EPHB3: variants seen among roughly 807,000 people sequenced by gnomAD.
EPHB3 encodes the protein ephrin type-B receptor 3.
Under a neutral mutation model 100.2 loss-of-function variants are expected in EPHB3, and 33 were observed. The observed-to-expected ratio is 0.33, with a 90% CI of 0.25 to 0.44. The LOEUF (loss-of-function observed/expected upper bound fraction) is 0.44. EPHB3 is among the 20% of genes least tolerant of loss of function. EPHB3 has a pLI of 1.00. For synonymous variants in EPHB3, 526 were observed against 554.7 expected (o/e 0.95, Z 0.73); for missense variants, 1,045 against 1,378.3 (o/e 0.76, Z 3.83).
At chr3:184,580,041 T>C in intron 11 of EPHB3, 107 bp downstream of exon 11, 1 of 1,499,988 alleles carries the variant, frequency 6.7e-7, no homozygotes. Flanking sequence ...AAGCATTTAC[T>C]GAGGTGGCTT....
rs753577038 is a variant in EPHB3, at chr3:184,578,492, C to G, written c.1801+26C>G. On this transcript the variant is annotated intron_variant, in intron 9 of 15. Transcript: ENST00000330394. This position sits in a 1 kb window ranked among gnomAD's most constrained non-coding sequence, Gnocchi z 4.7. Reference sequence around the variant, plus strand: ...GTGAGTTTGTCCCCGCCGCCCTCCCCAAGCTCTCCCAGCCCCCTGCAGGGC... The same window carrying G: ...GTGAGTTTGTCCCCGCCGCCCTCCCGAAGCTCTCCCAGCCCCCTGCAGGGC... 2 of 1,613,122 alleles carry G rather than the reference C, an allele frequency of 1.2e-6. No homozygotes were observed.
At chr3:184,574,778 T>C (rs1322997364) in intron 3 of EPHB3, among the ~76,000 whole-genome samples, 1 of 152,166 alleles carries the variant, frequency 6.6e-6, no homozygotes, top group East Asian at 1.9e-4. Flanking sequence ...GGGCTAACAC[T>C]CTGCAGGTCC....
chr3:184,578,288 T>C lies in EPHB3; in HGVS notation c.1749-126T>C, dbSNP rs150426518. Reference sequence around the variant, plus strand: ...ACCCAGAGACTGCTGTGACCACCAATTGTGGGACTAGGCCCCAGGCCATCC... The same window carrying C: ...ACCCAGAGACTGCTGTGACCACCAACTGTGGGACTAGGCCCCAGGCCATCC... On this transcript the variant is annotated intron_variant, in intron 8 of 15. Transcript: ENST00000330394. This position sits in a 1 kb window ranked among gnomAD's most constrained non-coding sequence, Gnocchi z 4.7. The C allele has an allele frequency of 3.6e-4, 501 of 1,380,090 alleles. 2 individuals are homozygous for C. In the African/African-American group the frequency reaches 6.3e-3, roughly 17 times the overall value. 85.5% of individuals were successfully genotyped at this position (1,380,090 alleles called of 1,614,324 possible). A position where few individuals can be genotyped will look rare whatever the true frequency, so the allele number is the denominator to read the frequency against.
rs1265678499 is a variant in EPHB3, at chr3:184,571,621, C to T, written c.183+239C>T. Among the ~76,000 whole-genome samples, 1 of 152,068 alleles carries T rather than the reference C, an allele frequency of 6.6e-6. No individual in the cohort carries two copies. The highest frequency in any genetic ancestry group is 1.9e-4 in the East Asian group (1 of 5,184). On this transcript the variant is annotated intron_variant, in intron 2 of 15. Coordinates refer to ENST00000330394, the MANE Select transcript of EPHB3 (RefSeq NM_004443.4). The surrounding 1 kb of genome is among the most constrained non-coding windows in gnomAD (Gnocchi z 5.0). ...CCCTCTGCCTGCCTGTGCCCCCCAG[C>T]TCCCGCTCCCTCTCCCTCTCTTCCT...
rs949937703 is a variant in EPHB3, at chr3:184,562,032, T to A, written c.-204T>A. 1.3e-4 allele frequency: 21 copies of A among 164,844 alleles called. No homozygotes were observed. Among genetic ancestry groups the A allele is most frequent in the African/African-American group, 5.0e-4 (21 of 41,606 alleles). The allele number at this position is 164,844 out of a possible 1,614,324, so 10.2% of individuals were successfully genotyped here. On this transcript the variant is annotated 5_prime_UTR_variant, in exon 1 of 16. Transcript: ENST00000330394. The surrounding 1 kb of genome is among the most constrained non-coding windows in gnomAD (Gnocchi z 4.8). ...TTCCCGCGGGACCGACCTGTCCGCA[T>A]CCCCAGGACCGCCGGGCTCGGTGCA... is the stretch of plus-strand genomic sequence containing the variant.
chr3:184,574,223 T>C (rs985640250), intron 3 of EPHB3, among the ~76,000 whole-genome samples: 6 of 152,222 alleles, frequency 3.9e-5, no homozygotes, highest in Non-Finnish European at 8.8e-5. Flanking sequence ...AGCTGGGCTG[T>C]TCTGCCCTTA....
Position 184,578,168 on chromosome 3 carries a change from C to A in EPHB3, c.1748+162C>A, listed in dbSNP as rs1287900883. On this transcript the variant is annotated intron_variant, in intron 8 of 15. Coordinates refer to ENST00000330394, the MANE Select transcript of EPHB3 (RefSeq NM_004443.4). This position sits in a 1 kb window ranked among gnomAD's most constrained non-coding sequence, Gnocchi z 4.7. ...CTGGAGAAGCCCTCTCCCATCCCTGCCTGTGTCTTCATCCCGCCCTTTCTC... is the reference window on the plus strand; with the variant it reads ...CTGGAGAAGCCCTCTCCCATCCCTGACTGTGTCTTCATCCCGCCCTTTCTC... 1.1e-6 allele frequency: 1 copy of A among 883,466 alleles called. No homozygotes were observed. The highest frequency in any genetic ancestry group is 1.7e-6 in the Non-Finnish European group (1 of 590,172). 54.7% of individuals were successfully genotyped at this position (883,466 alleles called of 1,614,324 possible).
rs1166835502 is a variant in EPHB3, at chr3:184,571,048, C to T, written c.119-270C>T. ...TCGGCTCACTGCAACCTCCGTCTCC[C>T]AGGTTCAAGCGATTCTCCTGCCTCA... On this transcript the variant is annotated intron_variant, in intron 1 of 15. Transcript: ENST00000330394. The surrounding 1 kb of genome is among the most constrained non-coding windows in gnomAD (Gnocchi z 5.0). Among the ~76,000 whole-genome samples the T allele has an allele frequency of 1.3e-5, 2 of 151,738 alleles. No individual in the cohort carries two copies. Among genetic ancestry groups the T allele is most frequent in the African/African-American group, 4.8e-5 (2 of 41,252 alleles).
At position 184,569,549 on chromosome 3, in the gene EPHB3, GTGTC is replaced by G. The variant is rs751793907; in HGVS notation, c.119-1746_119-1743del. 2.4e-3 allele frequency among the ~76,000 whole-genome samples: 368 copies of G among 152,166 alleles called. 2 individuals are homozygous for G. Among genetic ancestry groups the G allele is most frequent in the East Asian group, 0.021 (108 of 5,158 alleles). ...CGAGTACCCCCCAGGCCGAATGTCT[GTGTC>G]TGTCTGTCTGTCTGTCTGTCTGCCA... On this transcript the variant is annotated intron_variant, in intron 1 of 15. Coordinates refer to ENST00000330394, the MANE Select transcript of EPHB3 (RefSeq NM_004443.4). The surrounding 1 kb of genome is among the most constrained non-coding windows in gnomAD (Gnocchi z 5.4).
chr3:184,577,787 C>T lies in EPHB3; in HGVS notation c.1609C>T (p.Pro537Ser), dbSNP rs1395133189. 6.2e-7 allele frequency: 1 copy of T among 1,607,652 alleles called. No individual in the cohort carries two copies. The highest frequency in any genetic ancestry group is 1.3e-5 in the African/African-American group (1 of 74,936). The change falls in exon 7 of 16, where the codon CCT (proline) becomes TCT (serine). Residue 537 changes from proline (P) to serine (S), a missense_variant. Coordinates refer to ENST00000330394, the MANE Select transcript of EPHB3 (RefSeq NM_004443.4). This position sits in a 1 kb window ranked among gnomAD's most constrained non-coding sequence, Gnocchi z 4.9. ...TVAGYGQYSR[P>S]AEFETTSERG... ...AGCTGGCTATGGGCAGTACAGCCGC[C>T]CTGCCGAGTTTGAGACCACAAGTGA... is the stretch of plus-strand genomic sequence containing the variant.
chr3:184,576,052 C>T, intron 4 of EPHB3, 67 bp downstream of exon 4: 1 of 1,517,958 alleles, frequency 6.6e-7, no homozygotes, highest in African/African-American at 1.4e-5. Flanking sequence ...CCTGGGAAGC[C>T]TAAGCAGTCA....
In EPHB3 at chr3:184,578,091, G is replaced by T; in HGVS notation, c.1748+85G>T. The T allele has an allele frequency of 7.0e-7, 1 of 1,429,066 alleles. No individual in the cohort carries two copies. The highest frequency in any genetic ancestry group is 9.5e-7 in the Non-Finnish European group (1 of 1,049,526). 88.5% of individuals were successfully genotyped at this position (1,429,066 alleles called of 1,614,324 possible). A position where few individuals can be genotyped will look rare whatever the true frequency, so the allele number is the denominator to read the frequency against. On this transcript the variant is annotated intron_variant, in intron 8 of 15. Coordinates refer to ENST00000330394, the MANE Select transcript of EPHB3 (RefSeq NM_004443.4). This position sits in a 1 kb window ranked among gnomAD's most constrained non-coding sequence, Gnocchi z 4.7. ...AGCCCTCATGCCACAGAGATGAGCC[G>T]CCACCACTTCCCTCAGACCCAGGGC...
rs62288570 is a variant in EPHB3, at chr3:184,578,858, A to G, written c.1801+392A>G. ...TTGAGCTGAGCCAGGCGGGATGAGCAGGGTGTTGGGAGGTGAGGGAGAGCA... is the reference window on the plus strand; with the variant it reads ...TTGAGCTGAGCCAGGCGGGATGAGCGGGGTGTTGGGAGGTGAGGGAGAGCA... On this transcript the variant is annotated intron_variant, in intron 9 of 15. Transcript: ENST00000330394. The surrounding 1 kb of genome is among the most constrained non-coding windows in gnomAD (Gnocchi z 4.7). 0.037 allele frequency among the ~76,000 whole-genome samples: 5,663 copies of G among 152,194 alleles called. 159 individuals carry two copies. Among genetic ancestry groups the G allele is most frequent in the Non-Finnish European group, 0.058 (3,955 of 68,002 alleles).
At chr3:184,568,094 C>T (rs1714440790) in intron 1 of EPHB3, among the ~76,000 whole-genome samples, 1 of 152,064 alleles carries the variant, frequency 6.6e-6, no homozygotes, top group African/African-American at 2.4e-5. Flanking sequence ...GTGAGCCCAG[C>T]CCCCAGGACT....
chr3:184,562,186 C>T lies in EPHB3; in HGVS notation c.-50C>T. 2.7e-6 allele frequency: 1 copy of T among 364,550 alleles called. No individual in the cohort carries two copies. Among genetic ancestry groups the T allele is most frequent in the Non-Finnish European group, 3.9e-6 (1 of 253,664 alleles). The allele number at this position is 364,550 out of a possible 1,614,324, so 22.6% of individuals were successfully genotyped here. On this transcript the variant is annotated 5_prime_UTR_variant, in exon 1 of 16. Coordinates refer to ENST00000330394, the MANE Select transcript of EPHB3 (RefSeq NM_004443.4). This position sits in a 1 kb window ranked among gnomAD's most constrained non-coding sequence, Gnocchi z 4.8. Reference sequence around the variant, plus strand: ...TCTCGGGTGCCTGCAGCCCCGCCGGCGCGGCCCGGCCCGGCGCGGCCCGGC... The same window carrying T: ...TCTCGGGTGCCTGCAGCCCCGCCGGTGCGGCCCGGCCCGGCGCGGCCCGGC...
chr3:184,572,604 G>A lies in EPHB3; in HGVS notation c.284G>A (p.Gly95Glu), dbSNP rs747621686. The A allele has an allele frequency of 1.3e-6, 2 of 1,551,470 alleles. No individual in the cohort carries two copies. The highest frequency in any genetic ancestry group is 2.0e-5 in the Admixed American group (1 of 51,254). Residue 95 changes from glycine to glutamate, a missense_variant, in exon 3 of 16, where the codon GGG becomes GAG. This residue lies in a region of EPHB3 where 985 missense variants were observed against 1,331.1 expected (regional missense o/e 0.74). Transcript: ENST00000330394. This position sits in a 1 kb window ranked among gnomAD's most constrained non-coding sequence, Gnocchi z 6.6. ...ESSQNNWLRT[G>E]FIWRRDVQRV... The stretch of plus-strand genomic sequence containing the variant: ...AGCCAGAACAACTGGCTTCGCACGG[G>A]GTTCATCTGGCGGCGGGATGTGCAG...
chr3:184,578,423 A>G lies in EPHB3; in HGVS notation c.1758A>G (p.Arg586=), dbSNP rs978969213. The G allele has an allele frequency of 6.2e-7, 1 of 1,613,962 alleles. No homozygotes were observed. ...CCCTGCCACCCTACAGGAAGCAGCG[A>G]CACGGCTCTGATTCGGAGTACACGG... ...VIAIVCLRKQ[R]HGSDSEYTEK... The change falls in exon 9 of 16, where the codon CGA becomes CGG. Residue 586 remains arginine, a synonymous_variant. Coordinates refer to ENST00000330394, the MANE Select transcript of EPHB3 (RefSeq NM_004443.4). This position sits in a 1 kb window ranked among gnomAD's most constrained non-coding sequence, Gnocchi z 4.7.
rs1714494827 is a variant in EPHB3 at position 184,569,714 on chromosome 3, C to T, written c.119-1604C>T. ...CTGACATGGCGGGGGGCTGGGGTCACAGCTGCCTTGTCCACCCACGGGGTC... is the reference window on the plus strand; with the variant it reads ...CTGACATGGCGGGGGGCTGGGGTCATAGCTGCCTTGTCCACCCACGGGGTC... On this transcript the variant is annotated intron_variant, in intron 1 of 15. Coordinates refer to ENST00000330394, the MANE Select transcript of EPHB3 (RefSeq NM_004443.4). This position sits in a 1 kb window ranked among gnomAD's most constrained non-coding sequence, Gnocchi z 5.4. 6.6e-6 allele frequency among the ~76,000 whole-genome samples: 1 copy of T among 152,264 alleles called. No homozygotes were observed. The highest frequency in any genetic ancestry group is 2.4e-5 in the African/African-American group (1 of 41,472).
chr3:184,581,198 A>G (rs1319508928), intron 14 of EPHB3, 33 bp downstream of exon 14: 2 of 1,609,760 alleles, frequency 1.2e-6, no homozygotes, highest in Admixed American at 1.7e-5. Flanking sequence ...CCGCCAAGCC[A>G]GTAGCCCTAT....
Sources: allele counts gnomAD v4.1 joint callset (sites outside exome capture counted in the v4.1 genomes callset), GRCh38; gene constraint gnomAD v4.1.1; regional missense constraint gnomAD v4.1.1; non-coding constraint Gnocchi (gnomAD v3.1); transcripts MANE v1.5; gene names NCBI Gene and HGNC (gene_info 2026-07-23, HGNC 2026-07-21).